Variants in ROBO2 observed in about 807,000 individuals in gnomAD.
The protein encoded by ROBO2 is roundabout guidance receptor 2.
ROBO2 carries 53 observed loss-of-function variants against 160.8 expected under a neutral mutation model. That is an observed-to-expected ratio of 0.33 (90% CI 0.26 to 0.41). The LOEUF (loss-of-function observed/expected upper bound fraction) is 0.41, where lower values mean the gene tolerates loss of function less well. Ranked by LOEUF, ROBO2 falls within the 10% of genes least tolerant of loss-of-function variation. The probability of loss-of-function intolerance (pLI) is 1.00; values close to 1 mark genes in which losing one functional copy is unlikely to be tolerated. For synonymous variants in ROBO2, 664 were observed against 611.7 expected (o/e 1.09, Z -1.26); for missense variants, 1,577 against 1,722.4 (o/e 0.92, Z 1.49).
At chr3:77,442,753 G>A (rs1362449778) in intron 2 of ROBO2, among the ~76,000 whole-genome samples, 1 of 152,170 alleles carries the variant, frequency 6.6e-6, no homozygotes, top group Non-Finnish European at 1.5e-5. Flanking sequence ...ATGAGCCGGG[G>A]CAAATTTGAA....
At chr3:76,977,467 T>A (rs546556605) in intron 2 of ROBO2, among the ~76,000 whole-genome samples, 31 of 152,132 alleles carry the variant, frequency 2.0e-4, no homozygotes, top group Admixed American at 9.8e-4. Flanking sequence ...ATACTTTTCT[T>A]TATGGAAAAC....
At chr3:77,604,581 T>G (rs2153694052) in intron 20 of ROBO2, among the ~76,000 whole-genome samples, 1 of 152,324 alleles carries the variant, frequency 6.6e-6, no homozygotes, top group Non-Finnish European at 1.5e-5. Flanking sequence ...ATGAATTATA[T>G]TAACTACTTC....
At chr3:77,088,435 G>A (rs533589348) in intron 1 of ROBO2, among the ~76,000 whole-genome samples, 1 of 152,062 alleles carries the variant, frequency 6.6e-6, no homozygotes, top group African/African-American at 2.4e-5. Context: ...TATGCAGGAT[G>A]TACAGGTTTG....
chr3:76,141,155 CTCTCTATATA>C (rs1380262223), intron 2 of ROBO2, among the ~76,000 whole-genome samples: 52 of 25,010 alleles, frequency 2.1e-3, no homozygotes, highest in Non-Finnish European at 2.8e-3. Flanking sequence ...CTCTCTCTCT[CTCTCTATATA>C]TATATATATA....
chr3:75,999,936 G>C (rs1280157374), intron 2 of ROBO2, among the ~76,000 whole-genome samples: 1 of 152,128 alleles, frequency 6.6e-6, no homozygotes, highest in Non-Finnish European at 1.5e-5. Context: ...AGTTGGATCT[G>C]AGTATTTTCT....
intron 2 of ROBO2, among the ~76,000 whole-genome samples, chr3:76,044,145 C>G (rs946453497): frequency 6.6e-6 from 1 of 152,018 alleles, no homozygotes; most frequent in East Asian, 1.9e-4. Context: ...CCTCTGTAAC[C>G]TCTTTTCTGT....
intron 2 of ROBO2, among the ~76,000 whole-genome samples, chr3:76,715,433 G>A (rs1040744309): frequency 6.6e-6 from 1 of 152,150 alleles, no homozygotes; most frequent in Non-Finnish European, 1.5e-5. Context: ...AATCTTAAAG[G>A]CTGGCCTTTT....
chr3:77,107,023 G>C (rs900847428), intron 2 of ROBO2, among the ~76,000 whole-genome samples: 1 of 152,132 alleles, frequency 6.6e-6, no homozygotes, highest in Middle Eastern at 3.2e-3. Flanking sequence ...CCATAAACTG[G>C]GTAGCTTTTT....
chr3:76,616,882 T>C (rs943392607), intron 2 of ROBO2, among the ~76,000 whole-genome samples: 3 of 152,092 alleles, frequency 2.0e-5, no homozygotes, highest in Non-Finnish European at 4.4e-5. Flanking sequence ...TGCCTTAGTC[T>C]CTCAAGTAGC....
intron 2 of ROBO2, among the ~76,000 whole-genome samples, chr3:76,425,487 A>AGTGTGTGT (rs10530471): frequency 1.0e-4 from 15 of 146,576 alleles, no homozygotes; most frequent in African/African-American, 3.5e-4. Context: ...TGATGCAGCA[A>AGTGTGTGT]GTGTGTGTGT....
chr3:76,696,453 A>G (rs1256333974), intron 2 of ROBO2, among the ~76,000 whole-genome samples: 1 of 151,936 alleles, frequency 6.6e-6, no homozygotes, highest in African/African-American at 2.4e-5. Context: ...GGGGACCCAA[A>G]GGGGGTTGCC....
intron 2 of ROBO2, among the ~76,000 whole-genome samples, chr3:76,489,982 G>T (rs1263579608): frequency 6.6e-6 from 1 of 152,100 alleles, no homozygotes; most frequent in Non-Finnish European, 1.5e-5. Flanking sequence ...TAAAACAAAA[G>T]TGTATTATTT....
chr3:76,861,199 G>C (rs1454971400), intron 2 of ROBO2, among the ~76,000 whole-genome samples: 2 of 152,154 alleles, frequency 1.3e-5, no homozygotes, highest in Non-Finnish European at 2.9e-5. Context: ...TTGAGTATAA[G>C]AGGGAAGGGC....
At chr3:76,973,489 C>A (rs534383848) in intron 2 of ROBO2, among the ~76,000 whole-genome samples, 23 of 151,992 alleles carry the variant, frequency 1.5e-4, no homozygotes, top group African/African-American at 4.1e-4. Flanking sequence ...ATATTCATAT[C>A]ATTATTATTA....
At chr3:75,986,452 C>T (rs1363536562) in intron 2 of ROBO2, among the ~76,000 whole-genome samples, 1 of 150,888 alleles carries the variant, frequency 6.6e-6, no homozygotes, top group Non-Finnish European at 1.5e-5. Context: ...ATCTCAGTCC[C>T]TTGTCAAACA....
chr3:76,413,121 A>G (rs1322052829), intron 2 of ROBO2, among the ~76,000 whole-genome samples: 1 of 152,200 alleles, frequency 6.6e-6, no homozygotes, highest in African/African-American at 2.4e-5. Context: ...CCCTTTCAGC[A>G]TGGCTGGAGC....
chr3:76,214,586 G>T (rs575170282), intron 2 of ROBO2, among the ~76,000 whole-genome samples: 1 of 152,168 alleles, frequency 6.6e-6, no homozygotes, highest in Non-Finnish European at 1.5e-5. Context: ...GTCTGAGATC[G>T]AACTGCAAGG....
At chr3:76,441,598 C>T (rs1007502770) in intron 2 of ROBO2, among the ~76,000 whole-genome samples, 2 of 152,166 alleles carry the variant, frequency 1.3e-5, no homozygotes, top group African/African-American at 4.8e-5. Flanking sequence ...TTTGTTGTTA[C>T]ATTCAGTGTG....
At chr3:77,428,608 G>A (rs577168520) in intron 2 of ROBO2, among the ~76,000 whole-genome samples, 1 of 150,668 alleles carries the variant, frequency 6.6e-6, no homozygotes, top group East Asian at 2.0e-4. Context: ...CACCCGCCTC[G>A]GCCTCCCAAA....
Sources: allele counts gnomAD v4.1 joint callset (sites outside exome capture counted in the v4.1 genomes callset), GRCh38; gene constraint gnomAD v4.1.1; transcripts MANE v1.5; gene names NCBI Gene and HGNC (gene_info 2026-07-23, HGNC 2026-07-21).